Variants in SLC4A7 observed in about 807,000 individuals in gnomAD.
SLC4A7 encodes the protein solute carrier family 4 member 7, also known as sodium bicarbonate cotransporter 3.
SLC4A7 carries 51 observed loss-of-function variants against 137.6 expected under a neutral mutation model. The ratio of observed to expected loss-of-function variants is 0.37; its 90% confidence interval spans 0.30 to 0.47. The LOEUF is 0.47. Ranked by LOEUF, SLC4A7 falls within the 20% of genes least tolerant of loss-of-function variation. SLC4A7 has a pLI of 1.00. For missense variants in SLC4A7, 1,247 were observed against 1,525.4 expected, an observed-to-expected ratio of 0.82 and a Z score of 3.04; for synonymous variants, 542 against 518.6, an observed-to-expected ratio of 1.05 and a Z score of -0.61.
intron 18 of SLC4A7, 42 bp from the exon 19 acceptor site, chr3:27,395,157 T>C: frequency 1.4e-6 from 2 of 1,422,356 alleles, no homozygotes; most frequent in Non-Finnish European, 1.9e-6. Flanking sequence ...GTCTCCTTGC[T>C]GTATTGCACT....
chr3:27,465,334 G>C (rs1475152487), intron 1 of SLC4A7, among the ~76,000 whole-genome samples: 1 of 145,870 alleles, frequency 6.9e-6, no homozygotes, highest in African/African-American at 2.5e-5. Context: ...ATCAATTCTT[G>C]TTTTAAGTAG....
chr3:27,388,702 T>C (rs1277488685), intron 22 of SLC4A7, among the ~76,000 whole-genome samples: 1 of 152,136 alleles, frequency 6.6e-6, no homozygotes, highest in Non-Finnish European at 1.5e-5. Context: ...CAGATAAACA[T>C]TTGGAATTAA....
intron 1 of SLC4A7, among the ~76,000 whole-genome samples, chr3:27,472,850 C>A (rs1164803899): frequency 6.6e-6 from 1 of 151,892 alleles, no homozygotes; most frequent in Admixed American, 6.6e-5. Context: ...GAGGCCGAGG[C>A]GGGCAGATCA....
chr3:27,418,731 G>C, intron 10 of SLC4A7, 99 bp from the exon 11 acceptor site: 2 of 709,046 alleles, frequency 2.8e-6, no homozygotes, highest in Non-Finnish European at 4.7e-6. Context: ...TCACAATAAA[G>C]ATAACCCCTA....
chr3:27,470,154 T>A (rs1352623809), intron 1 of SLC4A7, among the ~76,000 whole-genome samples: 2 of 152,180 alleles, frequency 1.3e-5, no homozygotes, highest in African/African-American at 4.8e-5. Flanking sequence ...CTTTCCAAAT[T>A]AAACACATTG....
intron 1 of SLC4A7, among the ~76,000 whole-genome samples, chr3:27,478,373 C>T (rs1442729067): frequency 6.6e-6 from 1 of 150,834 alleles, no homozygotes; most frequent in Non-Finnish European, 1.5e-5. Flanking sequence ...CAAAAATTAG[C>T]CGGGCGTGGT....
intron 11 of SLC4A7, among the ~76,000 whole-genome samples, chr3:27,412,479 A>C (rs2150227792): frequency 6.6e-6 from 1 of 152,284 alleles, no homozygotes; most frequent in Middle Eastern, 3.4e-3. Context: ...ACTGGGTCAA[A>C]GGCTCTAGGT....
At chr3:27,438,849 T>C (rs1019574661) in intron 3 of SLC4A7, among the ~76,000 whole-genome samples, 1 of 152,176 alleles carries the variant, frequency 6.6e-6, no homozygotes, top group Non-Finnish European at 1.5e-5. Context: ...AACTGTCTTT[T>C]CCTACTATCA....
intron 11 of SLC4A7, among the ~76,000 whole-genome samples, chr3:27,414,568 G>C (rs1389638824): frequency 1.3e-5 from 2 of 152,174 alleles, no homozygotes; most frequent in Non-Finnish European, 2.9e-5. Context: ...AATGTGGACA[G>C]TACCAATCCT....
intron 5 of SLC4A7, among the ~76,000 whole-genome samples, chr3:27,436,032 G>C (rs1460600943): frequency 1.3e-5 from 2 of 151,720 alleles, no homozygotes; most frequent in Non-Finnish European, 2.9e-5. Context: ...TTTTTCTCTT[G>C]TATCACCTAC....
chr3:27,436,573 T>C, intron 4 of SLC4A7, 25 bp from the exon 5 acceptor site: 1 of 1,462,914 alleles, frequency 6.8e-7, no homozygotes, highest in Non-Finnish European at 9.4e-7. Context: ...TATAAAAATA[T>C]TTTATAAGTA....
chr3:27,379,352 C>A lies in SLC4A7; in HGVS notation c.3595G>T (p.Asp1199Tyr). 3.3e-6 allele frequency: 5 copies of A among 1,510,390 alleles called. No individual in the cohort carries two copies. The highest frequency in any genetic ancestry group is 4.5e-6 in the Non-Finnish European group (5 of 1,123,332). The allele number at this position is 1,510,390 out of a possible 1,614,324, so 93.6% of individuals were successfully genotyped here. A position where few individuals can be genotyped will look rare whatever the true frequency, so the allele number is the denominator to read the frequency against. Residue 1199 changes from aspartate to tyrosine, a missense_variant, in exon 25 of 26, where the codon GAT (aspartate) becomes TAT (tyrosine). By Grantham distance (160) the Asp-to-Tyr change is radical. Transcript: ENST00000454389. ...IPVKALKYSVDPSIVNISDEM... is the reference protein window; with the variant it reads ...IPVKALKYSVYPSIVNISDEM... ...TCTGATATGTTAACAATTGAGGGAT[C>A]AACACTGAAGAACAAATACACTTTT...
intron 7 of SLC4A7, among the ~76,000 whole-genome samples, chr3:27,427,769 G>C (rs142680634): frequency 3.9e-5 from 6 of 152,144 alleles, no homozygotes; most frequent in African/African-American, 1.4e-4. Context: ...ATCTACAGTC[G>C]TCTTTTTAAC....
intron 3 of SLC4A7, among the ~76,000 whole-genome samples, chr3:27,448,174 T>C (rs2057804462): frequency 7.1e-6 from 1 of 140,804 alleles, no homozygotes; most frequent in South Asian, 2.2e-4. Context: ...ATCGTACCAC[T>C]GCACTCCAGC....
Position 27,376,710 on chromosome 3 carries a change from A to G in SLC4A7, c.*54T>C. Reference sequence around the variant, plus strand: ...ATATTCTTATATATAGTGACATGATACGCACACATTACATATGTATATATC... The same window carrying G: ...ATATTCTTATATATAGTGACATGATGCGCACACATTACATATGTATATATC... On this transcript the variant is annotated 3_prime_UTR_variant, in exon 26 of 26. Transcript: ENST00000454389. The G allele has an allele frequency of 9.7e-7, 1 of 1,031,894 alleles. No individual in the cohort carries two copies. The highest frequency in any genetic ancestry group is 1.5e-6 in the Non-Finnish European group (1 of 661,764). 63.9% of individuals were successfully genotyped at this position (1,031,894 alleles called of 1,614,324 possible).
rs1430861341 is a variant in SLC4A7 at position 27,431,618 on chromosome 3, G to C, written c.830C>G (p.Ser277Ter). The C allele has an allele frequency of 5.0e-6, 8 of 1,613,296 alleles. No individual in the cohort carries two copies. The highest frequency in any genetic ancestry group is 6.8e-6 in the Non-Finnish European group (8 of 1,179,606). ...RHSLRTGLSASNLSLRGESPL... is the reference protein window; with the variant it reads ...RHSLRTGLSA ...TGATTCTCCTCTCAAGGAAAGGTTT[G>C]AGGCAGACAGACCTGTTCGCAAAGA... The change falls in exon 7 of 26, where the codon TCA becomes TGA. Residue 277 changes from serine (S) to a stop codon, truncating the protein, a stop_gained. Transcript: ENST00000454389. LOFTEE classifies it high-confidence loss of function.
At position 27,376,624 on chromosome 3, in the gene SLC4A7, T is replaced by A; in HGVS notation, c.*140A>T. 1 of 501,432 alleles carries A rather than the reference T, an allele frequency of 2.0e-6. No homozygotes were observed. 31.1% of individuals were successfully genotyped at this position (501,432 alleles called of 1,614,324 possible). On this transcript the variant is annotated 3_prime_UTR_variant, in exon 26 of 26. Coordinates refer to ENST00000454389, the MANE Select transcript of SLC4A7 (RefSeq NM_001321103.2). ...AATACATAGTCTCCACGGTGCTCAT[T>A]ACAAACTCCAGACACTACTTTTAAA...
At chr3:27,436,204 C>G (rs1298312089) in intron 5 of SLC4A7, among the ~76,000 whole-genome samples, 184 bp downstream of exon 5, 9 of 152,196 alleles carry the variant, frequency 5.9e-5, no homozygotes, top group Non-Finnish European at 1.3e-4. Flanking sequence ...TATTCACTCT[C>G]TTACTGATAC....
At chr3:27,464,887 A>G (rs751020482) in intron 1 of SLC4A7, among the ~76,000 whole-genome samples, 101 of 152,110 alleles carry the variant, frequency 6.6e-4, no homozygotes, top group Non-Finnish European at 6.3e-4. Context: ...CTGGAATTCA[A>G]TTGGTGAGAT....
Sources: gnomAD v4.1 joint callset for allele counts (sites outside exome capture counted in the v4.1 genomes callset) on GRCh38, gnomAD v4.1.1 for gene constraint, MANE v1.5 for transcripts, NCBI Gene and HGNC (gene_info 2026-07-23, HGNC 2026-07-21) for gene names.